Variants in MBOAT2 observed in about 807,000 individuals in gnomAD.
MBOAT2 encodes the protein membrane bound glycerophospholipid O-acyltransferase 2, also known as membrane-bound glycerophospholipid O-acyltransferase 2.
A neutral mutation model predicts 63.4 loss-of-function variants in MBOAT2; 28 were observed. The observed-to-expected ratio is 0.44, with a 90% CI of 0.33 to 0.61. The LOEUF is 0.61. MBOAT2 is among the 20% of genes least tolerant of loss of function. The pLI is 0.03. For missense variants in MBOAT2, 470 were observed against 605.8 expected, an observed-to-expected ratio of 0.78 and a Z score of 2.35; for synonymous variants, 211 against 215.6, an observed-to-expected ratio of 0.98 and a Z score of 0.19.
At chr2:8,999,890 C>T in intron 1 of MBOAT2, among the ~76,000 whole-genome samples, 1 of 152,198 alleles carries the variant, frequency 6.6e-6, no homozygotes, top group Non-Finnish European at 1.5e-5. Context: ...CTATGGCTAC[C>T]TAAATTCCAA....
intron 1 of MBOAT2, among the ~76,000 whole-genome samples, chr2:8,995,332 T>A (rs999752982): frequency 2.0e-5 from 3 of 152,176 alleles, no homozygotes; most frequent in African/African-American, 7.2e-5. Flanking sequence ...GGACCCCAAA[T>A]GTAGACGTTC....
At chr2:8,897,226 CTTCT>C (rs1194510817) in intron 4 of MBOAT2, among the ~76,000 whole-genome samples, 8 of 136,520 alleles carry the variant, frequency 5.9e-5, no homozygotes, top group Non-Finnish European at 6.0e-5. Context: ...TCTCTGTCTC[CTTCT>C]TTGTCTCTCT....
chr2:8,899,523 G>A (rs1371406887), intron 4 of MBOAT2, among the ~76,000 whole-genome samples: 1 of 152,174 alleles, frequency 6.6e-6, no homozygotes, highest in Non-Finnish European at 1.5e-5. Flanking sequence ...GTGATGACAT[G>A]AGCTGGCGCT....
At chr2:8,883,559 C>G (rs547516834) in intron 5 of MBOAT2, among the ~76,000 whole-genome samples, 1 of 152,228 alleles carries the variant, frequency 6.6e-6, no homozygotes, top group South Asian at 2.1e-4. Context: ...ATTCTATGCA[C>G]TGAGGAAAGA....
At chr2:8,981,644 T>C (rs1671199195) in intron 1 of MBOAT2, among the ~76,000 whole-genome samples, 1 of 149,738 alleles carries the variant, frequency 6.7e-6, no homozygotes, top group African/African-American at 2.5e-5. Flanking sequence ...AAAAGCAGGA[T>C]GAGAGAGGGG....
intron 3 of MBOAT2, among the ~76,000 whole-genome samples, chr2:8,917,397 T>TA (rs952325181): frequency 2.0e-5 from 3 of 151,488 alleles, no homozygotes; most frequent in South Asian, 2.1e-4. Flanking sequence ...TAATGAATTA[T>TA]AAAAAAAAAT....
intron 1 of MBOAT2, among the ~76,000 whole-genome samples, chr2:8,993,412 G>A (rs763881219): frequency 2.6e-5 from 4 of 152,254 alleles, no homozygotes; most frequent in Non-Finnish European, 4.4e-5. Flanking sequence ...CAGACCAGCT[G>A]CAAGAGAAAG....
chr2:8,862,762 G>A lies in MBOAT2; in HGVS notation c.1053-40C>T, dbSNP rs1661583920. On this transcript the variant is annotated intron_variant, in intron 10 of 12. Coordinates refer to ENST00000305997, the MANE Select transcript of MBOAT2 (RefSeq NM_138799.4). This position sits in a 1 kb window ranked among gnomAD's most constrained non-coding sequence, Gnocchi z 4.3. Reference sequence around the variant, plus strand: ...AAACATGGAGAGCCAAGTGGAGTGAGTGACCCGAGTTTACAAAGCCTGCAA... The same window carrying A: ...AAACATGGAGAGCCAAGTGGAGTGAATGACCCGAGTTTACAAAGCCTGCAA... The A allele has an allele frequency of 1.9e-6, 3 of 1,586,478 alleles. No individual in the cohort carries two copies. Among genetic ancestry groups the A allele is most frequent in the Non-Finnish European group, 2.6e-6 (3 of 1,169,540 alleles).
At chr2:8,933,908 T>C (rs1029444993) in intron 3 of MBOAT2, among the ~76,000 whole-genome samples, 1 of 152,196 alleles carries the variant, frequency 6.6e-6, no homozygotes, top group African/African-American at 2.4e-5. Flanking sequence ...TGCTCAAGAA[T>C]GACTGAAACC....
chr2:8,985,088 A>G (rs999297454), intron 1 of MBOAT2, among the ~76,000 whole-genome samples: 3 of 152,162 alleles, frequency 2.0e-5, no homozygotes, highest in Non-Finnish European at 4.4e-5. Flanking sequence ...TCAGGGGAAA[A>G]AAAAAACTAA....
At chr2:8,923,656 C>CA (rs1224063121) in intron 3 of MBOAT2, among the ~76,000 whole-genome samples, 1 of 152,152 alleles carries the variant, frequency 6.6e-6, no homozygotes, top group Non-Finnish European at 1.5e-5. Context: ...AAGAACCCAT[C>CA]AGGCTGACAC....
chr2:8,868,150 C>A (rs993973386), intron 9 of MBOAT2, among the ~76,000 whole-genome samples: 4 of 152,146 alleles, frequency 2.6e-5, no homozygotes, highest in Non-Finnish European at 4.4e-5. Flanking sequence ...AACCTGGATT[C>A]CTATTTCATG....
intron 1 of MBOAT2, among the ~76,000 whole-genome samples, chr2:8,977,696 T>C (rs1670918087): frequency 6.6e-6 from 1 of 152,160 alleles, no homozygotes; most frequent in Non-Finnish European, 1.5e-5. Flanking sequence ...CAGACATTTA[T>C]TCGGCTGTCC....
chr2:8,934,856 C>T (rs934485503), intron 3 of MBOAT2, among the ~76,000 whole-genome samples: 2 of 152,194 alleles, frequency 1.3e-5, no homozygotes, highest in African/African-American at 4.8e-5. Flanking sequence ...CATGAGGACA[C>T]ATTTTCAAAT....
intron 4 of MBOAT2, among the ~76,000 whole-genome samples, chr2:8,899,541 G>A (rs1460303107): frequency 2.6e-5 from 4 of 152,180 alleles, no homozygotes; most frequent in Non-Finnish European, 4.4e-5. Context: ...GCTTGCCCTG[G>A]GCACCCTCAG....
intron 3 of MBOAT2, among the ~76,000 whole-genome samples, chr2:8,918,838 A>C (rs1482978526): frequency 6.6e-6 from 1 of 152,212 alleles, no homozygotes; most frequent in East Asian, 1.9e-4. Flanking sequence ...AATTTTTAGT[A>C]AATGTGTAGA....
intron 3 of MBOAT2, among the ~76,000 whole-genome samples, chr2:8,922,339 G>A (rs751590938): frequency 4.6e-5 from 7 of 152,134 alleles, no homozygotes; most frequent in Admixed American, 2.0e-4. Flanking sequence ...ATGTGGGTCC[G>A]TTTAGAGGCA....
chr2:8,996,490 C>G (rs995541206), intron 1 of MBOAT2, among the ~76,000 whole-genome samples: 26 of 152,166 alleles, frequency 1.7e-4, no homozygotes, highest in African/African-American at 6.3e-4. Flanking sequence ...AACTTGTCCT[C>G]TGAAGTAGAC....
intron 2 of MBOAT2, among the ~76,000 whole-genome samples, chr2:8,957,943 G>GA (rs1241070618): frequency 6.6e-6 from 1 of 152,124 alleles, no homozygotes; most frequent in Non-Finnish European, 1.5e-5. Context: ...TGAGGATTGA[G>GA]AAAGAGACCT....
Sources: allele counts gnomAD v4.1 joint callset (sites outside exome capture counted in the v4.1 genomes callset), GRCh38; gene constraint gnomAD v4.1.1; non-coding constraint Gnocchi (gnomAD v3.1); transcripts MANE v1.5; gene names NCBI Gene and HGNC (gene_info 2026-07-23, HGNC 2026-07-21).